The following OSTN variants were observed in gnomAD, a reference collection of about 807,000 sequenced individuals.
The protein encoded by OSTN is osteocrin.
A neutral mutation model predicts 12.0 loss-of-function variants in OSTN; 9 were observed. The observed-to-expected ratio is 0.75, with a 90% CI of 0.45 to 1.30. The LOEUF (loss-of-function observed/expected upper bound fraction) is 1.30. OSTN is among the 50% of genes most tolerant of loss of function. The pLI is 0.00. For synonymous variants in OSTN, 59 were observed against 56.9 expected (o/e 1.04, Z -0.16); for missense variants, 148 against 152.3 (o/e 0.97, Z 0.15).
At chr3:191,207,182 T>TG (rs1217340075) in intron 1 of OSTN, among the ~76,000 whole-genome samples, 1 of 152,208 alleles carries the variant, frequency 6.6e-6, no homozygotes. Flanking sequence ...TTATTTTAAA[T>TG]TTTTGTTCAA....
chr3:191,207,905 A>G (rs1365544917), intron 1 of OSTN, among the ~76,000 whole-genome samples: 2 of 152,220 alleles, frequency 1.3e-5, no homozygotes, highest in East Asian at 1.9e-4. Context: ...GGTATAGTCA[A>G]TTCTTACATG....
Position 191,263,031 on chromosome 3 carries a change from A to AT in OSTN, c.*180dup. Reference sequence around the variant, plus strand: ...ACAGCATTGTTACAGCTTCAATTAAATTGTGTAAATCATTTTGATGCACGT... The same window carrying AT: ...ACAGCATTGTTACAGCTTCAATTAAATTTGTGTAAATCATTTTGATGCACGT... On this transcript the variant is annotated 3_prime_UTR_variant, in exon 5 of 5. Transcript: ENST00000682035. 1 of 567,314 alleles carries AT rather than the reference A, an allele frequency of 1.8e-6. No individual in the cohort carries two copies. The highest frequency in any genetic ancestry group is 3.2e-6 in the Non-Finnish European group (1 of 315,624). 35.1% of individuals were successfully genotyped at this position (567,314 alleles called of 1,614,324 possible). A position where few individuals can be genotyped will look rare whatever the true frequency, so the allele number is the denominator to read the frequency against.
chr3:191,250,392 T>TTTTCATTG (rs1715534209), intron 4 of OSTN, among the ~76,000 whole-genome samples: 3 of 152,208 alleles, frequency 2.0e-5, no homozygotes, highest in Non-Finnish European at 4.4e-5. Context: ...GACTTCTATG[T>TTTTCATTG]AATTAACCAT....
chr3:191,213,819 T>C (rs138039176), intron 2 of OSTN, among the ~76,000 whole-genome samples: 1 of 152,168 alleles, frequency 6.6e-6, no homozygotes, highest in African/African-American at 2.4e-5. Context: ...GTGTAGTGTG[T>C]GTTAGTTGGA....
intron 3 of OSTN, among the ~76,000 whole-genome samples, chr3:191,223,995 A>G (rs1434647579): frequency 6.6e-6 from 1 of 152,108 alleles, no homozygotes; most frequent in Admixed American, 6.6e-5. Flanking sequence ...AACAAACGAT[A>G]CCAGAAAAAA....
intron 3 of OSTN, among the ~76,000 whole-genome samples, chr3:191,245,632 T>C (rs1052636461): frequency 1.3e-5 from 2 of 152,194 alleles, no homozygotes. Flanking sequence ...CTGCCTCTTA[T>C]TTGATTGAGC....
chr3:191,238,174 G>C (rs897741926), intron 3 of OSTN, among the ~76,000 whole-genome samples: 5 of 152,230 alleles, frequency 3.3e-5, no homozygotes, highest in African/African-American at 9.6e-5. Context: ...ACAAAAAAGG[G>C]ATACAGTGTT....
At position 191,260,151 on chromosome 3, in the gene OSTN, T is replaced by A. The variant is rs1168392573; in HGVS notation, c.*13-2715T>A. ...GGGGAGAGCCACAGTGCCCAGCCTG[T>A]GTATCCTTTTAATTTAATCTTCGCA... On this transcript the variant is annotated intron_variant, in intron 4 of 4. Transcript: ENST00000682035. Among the ~76,000 whole-genome samples the A allele has an allele frequency of 3.3e-5, 5 of 152,062 alleles. No individual in the cohort carries two copies. The South Asian group carries it at 1.0e-3, about 32-fold the overall frequency.
rs532231463 is a variant in OSTN, at chr3:191,221,032, C to T, written c.317+2071C>T. Among the ~76,000 whole-genome samples the T allele has an allele frequency of 4.6e-5, 7 of 152,106 alleles. No individual in the cohort carries two copies. In the South Asian group the frequency reaches 6.2e-4, roughly 14 times the overall value. ...AATTGATCATGGGTGTGGTTACCCC[C>T]GTGCTGAAGTTCCTGTGATAGTCAG... is the stretch of plus-strand genomic sequence containing the variant. On this transcript the variant is annotated intron_variant, in intron 3 of 4. Transcript: ENST00000682035.
intron 3 of OSTN, among the ~76,000 whole-genome samples, chr3:191,243,274 A>G (rs1715360228): frequency 6.6e-6 from 1 of 152,216 alleles, no homozygotes; most frequent in African/African-American, 2.4e-5. Context: ...GTATAAGCAT[A>G]GCTGTCAATT....
At chr3:191,201,161 A>T (rs1714144841) in intron 1 of OSTN, among the ~76,000 whole-genome samples, 1 of 152,062 alleles carries the variant, frequency 6.6e-6, no homozygotes, top group South Asian at 2.1e-4. Flanking sequence ...GTCACGGTAC[A>T]TCCCTGGAGC....
chr3:191,242,961 T>A (rs1715353862), intron 3 of OSTN, among the ~76,000 whole-genome samples: 1 of 148,290 alleles, frequency 6.7e-6, no homozygotes, highest in Admixed American at 6.6e-5. Flanking sequence ...AGATAAATGT[T>A]TAAAAGAAAA....
Position 191,255,965 on chromosome 3 carries a change from A to G in OSTN, c.*12+5832A>G, listed in dbSNP as rs531428026. On this transcript the variant is annotated intron_variant, in intron 4 of 4. Transcript: ENST00000682035. ...GAAACCTGTACTTAAGAGTACTTAC[A>G]AAAGTACTTTCCATGAATTTCCAGA... 2.0e-5 allele frequency among the ~76,000 whole-genome samples: 3 copies of G among 152,204 alleles called. No individual in the cohort carries two copies. In the South Asian group the frequency reaches 6.2e-4, roughly 32 times the overall value.
intron 3 of OSTN, among the ~76,000 whole-genome samples, chr3:191,225,290 T>C (rs958346728): frequency 1.3e-5 from 2 of 152,202 alleles, no homozygotes; most frequent in African/African-American, 2.4e-5. Flanking sequence ...TTACCGTTTC[T>C]TTAAAGTTTA....
rs1015082830 is a variant in OSTN, at chr3:191,265,329, G to A, written c.*2476G>A. 2.6e-5 allele frequency: 4 copies of A among 152,078 alleles called. No homozygotes were observed. Among genetic ancestry groups the A allele is most frequent in the Non-Finnish European group, 5.9e-5 (4 of 68,006 alleles). 9.4% of individuals were successfully genotyped at this position (152,078 alleles called of 1,614,324 possible). On this transcript the variant is annotated 3_prime_UTR_variant, in exon 5 of 5. Coordinates refer to ENST00000682035, the MANE Select transcript of OSTN (RefSeq NM_198184.2). Reference sequence around the variant, plus strand: ...TATGTATATGGAGTTCTGGGTTCTAGTGTCAATTACATAATCAAATTTCAT... The same window carrying A: ...TATGTATATGGAGTTCTGGGTTCTAATGTCAATTACATAATCAAATTTCAT...
intron 3 of OSTN, among the ~76,000 whole-genome samples, chr3:191,240,625 A>G (rs1242640879): frequency 1.3e-5 from 2 of 152,168 alleles, no homozygotes; most frequent in Non-Finnish European, 2.9e-5. Context: ...TTTCCAGCTC[A>G]GGGTCTCTCT....
chr3:191,218,704 C>T, intron 2 of OSTN, 43 bp from the exon 3 acceptor site: 1 of 1,523,374 alleles, frequency 6.6e-7, no homozygotes, highest in Non-Finnish European at 9.1e-7. Context: ...TACTTGGAGT[C>T]TCTTTGTCTA....
intron 3 of OSTN, among the ~76,000 whole-genome samples, chr3:191,230,697 T>C (rs1715032567): frequency 6.6e-6 from 1 of 151,978 alleles, no homozygotes; most frequent in East Asian, 1.9e-4. Flanking sequence ...CACAAAGGAA[T>C]GTTGCATTCT....
At chr3:191,224,945 A>T (rs1005606063) in intron 3 of OSTN, among the ~76,000 whole-genome samples, 4 of 152,080 alleles carry the variant, frequency 2.6e-5, no homozygotes, top group Non-Finnish European at 4.4e-5. Flanking sequence ...AAAGTAAACC[A>T]ACATAAGCAG....
Sources: allele counts gnomAD v4.1 joint callset (sites outside exome capture counted in the v4.1 genomes callset), GRCh38; gene constraint gnomAD v4.1.1; transcripts MANE v1.5; gene names NCBI Gene and HGNC (gene_info 2026-07-23, HGNC 2026-07-21).